The following VTI1A variants were observed in gnomAD, a reference collection of about 807,000 sequenced individuals.
VTI1A encodes vesicle transport through interaction with t-SNAREs 1A.
In VTI1A, 22 loss-of-function variants were observed where a neutral mutation model predicts 34.9. The observed-to-expected ratio is 0.63, with a 90% CI of 0.45 to 0.90. The LOEUF (loss-of-function observed/expected upper bound fraction) is 0.90, where lower values mean the gene tolerates loss of function less well. Among genes scored for constraint, VTI1A ranks in the 40% least tolerant of loss-of-function variants. The pLI is 0.00. For synonymous variants in VTI1A, 87 were observed against 97.3 expected, an observed-to-expected ratio of 0.89 and a Z score of 0.62; for missense variants, 268 against 275.6, an observed-to-expected ratio of 0.97 and a Z score of 0.20.
intron 5 of VTI1A, among the ~76,000 whole-genome samples, chr10:112,630,128 A>G (rs1481801970): frequency 6.6e-6 from 1 of 152,214 alleles, no homozygotes; most frequent in Non-Finnish European, 1.5e-5. Context: ...TTCTTCTGAC[A>G]GACTTGATTA....
At chr10:112,711,231 A>G (rs1309060310) in intron 7 of VTI1A, among the ~76,000 whole-genome samples, 1 of 152,226 alleles carries the variant, frequency 6.6e-6, no homozygotes, top group African/African-American at 2.4e-5. Context: ...GCGAAATCCC[A>G]AATCATCAGA....
intron 7 of VTI1A, among the ~76,000 whole-genome samples, chr10:112,740,127 A>G (rs1045467726): frequency 9.2e-5 from 14 of 152,162 alleles, no homozygotes; most frequent in Non-Finnish European, 2.1e-4. Context: ...GACCTCAACC[A>G]TTGCAAGCCT....
chr10:112,754,893 A>C (rs764850477), intron 7 of VTI1A, among the ~76,000 whole-genome samples: 7 of 152,222 alleles, frequency 4.6e-5, no homozygotes, highest in Non-Finnish European at 1.5e-5. Context: ...ATTTTTCTGA[A>C]AATGTCAAAA....
chr10:112,759,515 T>C (rs1043047216), intron 7 of VTI1A, among the ~76,000 whole-genome samples: 1 of 152,194 alleles, frequency 6.6e-6, no homozygotes, highest in Admixed American at 6.5e-5. Flanking sequence ...TTAGCGACAC[T>C]GCGTTAGAAA....
At chr10:112,722,594 A>G (rs1419367687) in intron 7 of VTI1A, among the ~76,000 whole-genome samples, 3 of 152,196 alleles carry the variant, frequency 2.0e-5, no homozygotes, top group Non-Finnish European at 4.4e-5. Context: ...CAAGAGAAAG[A>G]GAAAAGAGGC....
intron 5 of VTI1A, among the ~76,000 whole-genome samples, chr10:112,588,309 T>G (rs1377150997): frequency 6.6e-6 from 1 of 152,164 alleles, no homozygotes; most frequent in African/African-American, 2.4e-5. Flanking sequence ...TGAAGTTTTT[T>G]TTTCTCTTGA....
intron 3 of VTI1A, among the ~76,000 whole-genome samples, chr10:112,498,610 A>G (rs1010802992): frequency 5.9e-5 from 9 of 152,228 alleles, no homozygotes; most frequent in African/African-American, 1.4e-4. Flanking sequence ...ATATATTTAA[A>G]CTAGACAGAA....
At chr10:112,546,486 G>A (rs1297194740) in intron 5 of VTI1A, among the ~76,000 whole-genome samples, 1 of 152,054 alleles carries the variant, frequency 6.6e-6, no homozygotes, top group African/African-American at 2.4e-5. Flanking sequence ...TTAATTATTG[G>A]TGGCACTGGG....
intron 7 of VTI1A, among the ~76,000 whole-genome samples, chr10:112,755,795 G>C (rs2133999430): frequency 6.6e-6 from 1 of 152,284 alleles, no homozygotes; most frequent in South Asian, 2.1e-4. Context: ...GAGCCAAACA[G>C]GTAATTTTCC....
intron 3 of VTI1A, among the ~76,000 whole-genome samples, chr10:112,494,975 A>G (rs1019772217): frequency 6.6e-6 from 1 of 152,182 alleles, no homozygotes; most frequent in Non-Finnish European, 1.5e-5. Flanking sequence ...TTGGGAAGCT[A>G]AGAATCGGAG....
chr10:112,644,637 C>A (rs1366031924), intron 5 of VTI1A, among the ~76,000 whole-genome samples: 2 of 152,212 alleles, frequency 1.3e-5, no homozygotes, highest in African/African-American at 4.8e-5. Context: ...TTTAAGTTAA[C>A]ATCTTTGATC....
the VTI1A span, among the ~76,000 whole-genome samples, chr10:112,830,838 TATATATATATA>T: frequency 3.0e-4 from 15 of 49,620 alleles, 4 homozygotes; most frequent in South Asian, 3.9e-3. Context: ...TATATATATA[TATATATATATA>T]TTTTTTTTTT....
chr10:112,833,222 A>G, the VTI1A span, among the ~76,000 whole-genome samples: 1 of 151,926 alleles, frequency 6.6e-6, no homozygotes, highest in Non-Finnish European at 1.5e-5. Context: ...GCCTCTACTC[A>G]TCAGAAAGAG....
chr10:112,462,782 G>C (rs1847767393), intron 2 of VTI1A, among the ~76,000 whole-genome samples: 1 of 152,182 alleles, frequency 6.6e-6, no homozygotes, highest in Admixed American at 6.5e-5. Context: ...GTGATAAGCT[G>C]GTAGGGTTCC....
At chr10:112,698,066 T>C (rs1193953454) in intron 7 of VTI1A, among the ~76,000 whole-genome samples, 1 of 152,212 alleles carries the variant, frequency 6.6e-6, no homozygotes, top group Non-Finnish European at 1.5e-5. Context: ...ATGTGATTCA[T>C]AATGTAACAT....
chr10:112,772,960 G>A (rs1396435894), intron 7 of VTI1A, among the ~76,000 whole-genome samples: 3 of 152,192 alleles, frequency 2.0e-5, no homozygotes, highest in African/African-American at 4.8e-5. Context: ...AGAAGCTCTA[G>A]CCTGCAAGCC....
chr10:112,746,134 T>C (rs1388346385), intron 7 of VTI1A, among the ~76,000 whole-genome samples: 1 of 152,212 alleles, frequency 6.6e-6, no homozygotes, highest in Non-Finnish European at 1.5e-5. Context: ...CCTTGAAGAC[T>C]CTGGAATTTC....
chr10:112,803,461 G>A (rs932326129), intron 7 of VTI1A, among the ~76,000 whole-genome samples: 8 of 152,236 alleles, frequency 5.3e-5, no homozygotes, highest in Admixed American at 3.9e-4. Flanking sequence ...TACAGACACC[G>A]TTAGAGGCAG....
At position 112,468,619 on chromosome 10, in the gene VTI1A, G is replaced by A. The variant is rs776178102; in HGVS notation, c.264+3962G>A. Among the ~76,000 whole-genome samples the A allele has an allele frequency of 1.8e-4, 27 of 152,136 alleles. No homozygotes were observed. In the South Asian group the frequency reaches 3.9e-3, roughly 22 times the overall value. On this transcript the variant is annotated intron_variant, in intron 3 of 7. Transcript: ENST00000393077. ...GTCCACTTGCTTTCTTTCCCCAGCC[G>A]TTCCTTCTCCTCTGCCTACCCTTTG...
Sources: allele counts gnomAD v4.1 joint callset (sites outside exome capture counted in the v4.1 genomes callset), GRCh38; gene constraint gnomAD v4.1.1; transcripts MANE v1.5; gene names NCBI Gene and HGNC (gene_info 2026-07-23, HGNC 2026-07-21).